Variants in COL25A1 observed in about 807,000 individuals in gnomAD.
COL25A1 encodes collagen type XXV alpha 1 chain.
In COL25A1, 103 loss-of-function variants were observed where a neutral mutation model predicts 128.4. That is an observed-to-expected ratio of 0.80 (90% CI 0.68 to 0.94). The LOEUF (loss-of-function observed/expected upper bound fraction) is 0.94. COL25A1 is among the 40% of genes least tolerant of loss of function. The pLI, the probability that COL25A1 is intolerant of heterozygous loss-of-function variation, is 0.00. For synonymous variants in COL25A1, 279 were observed against 277.2 expected, an observed-to-expected ratio of 1.01 and a Z score of -0.06; for missense variants, 745 against 840.0, an observed-to-expected ratio of 0.89 and a Z score of 1.40.
At chr4:108,948,496 T>C (rs1749034058) in intron 8 of COL25A1, among the ~76,000 whole-genome samples, 1 of 152,182 alleles carries the variant, frequency 6.6e-6, no homozygotes, top group South Asian at 2.1e-4. Flanking sequence ...TAAATTCCAT[T>C]CTACTACGTT....
intron 5 of COL25A1, among the ~76,000 whole-genome samples, chr4:109,038,858 C>T (rs1157819795): frequency 6.6e-6 from 1 of 152,156 alleles, no homozygotes; most frequent in Non-Finnish European, 1.5e-5. Context: ...GGTGACTGCT[C>T]ATGTCTACTC....
At chr4:109,068,356 T>A (rs1031845499) in intron 3 of COL25A1, among the ~76,000 whole-genome samples, 1 of 151,820 alleles carries the variant, frequency 6.6e-6, no homozygotes, top group African/African-American at 2.4e-5. Flanking sequence ...TGCAACAGAT[T>A]TACCATTTTT....
At chr4:109,169,623 G>A (rs943822905) in intron 3 of COL25A1, among the ~76,000 whole-genome samples, 1 of 152,092 alleles carries the variant, frequency 6.6e-6, no homozygotes, top group Admixed American at 6.6e-5. Context: ...CTCTACTGCA[G>A]CCCTAGAAAT....
intron 26 of COL25A1, among the ~76,000 whole-genome samples, chr4:108,850,875 C>CT (rs1279980866): frequency 6.6e-6 from 1 of 152,056 alleles, no homozygotes; most frequent in Non-Finnish European, 1.5e-5. Flanking sequence ...CTAGGAGGTC[C>CT]TTTTTGCCTC....
chr4:108,839,168 G>A (rs144530181), intron 31 of COL25A1, among the ~76,000 whole-genome samples: 92 of 152,152 alleles, frequency 6.0e-4, no homozygotes, highest in East Asian at 1.4e-3. Flanking sequence ...TCAGTGTAGC[G>A]CTTGTTAAAC....
At chr4:108,951,895 C>T (rs1749484979) in intron 8 of COL25A1, among the ~76,000 whole-genome samples, 1 of 152,102 alleles carries the variant, frequency 6.6e-6, no homozygotes, top group African/African-American at 2.4e-5. Context: ...ATAGCATGAA[C>T]TAAATTAACT....
At chr4:108,862,428 C>T in intron 22 of COL25A1, 73 bp downstream of exon 22, 1 of 1,141,060 alleles carries the variant, frequency 8.8e-7, no homozygotes, top group Non-Finnish European at 1.3e-6. Flanking sequence ...AAAAACATGC[C>T]TCTGTGGCAA....
chr4:108,865,707 A>G (rs879659830), intron 20 of COL25A1, among the ~76,000 whole-genome samples: 4 of 152,206 alleles, frequency 2.6e-5, no homozygotes, highest in African/African-American at 7.2e-5. Flanking sequence ...CCTTAAAAAT[A>G]ATTTATCTGT....
intron 5 of COL25A1, among the ~76,000 whole-genome samples, chr4:109,016,863 A>G (rs574090929): frequency 4.1e-4 from 63 of 152,356 alleles, no homozygotes; most frequent in Middle Eastern, 3.4e-3. Flanking sequence ...CCAGTTGTCC[A>G]TGTACCTCAT....
intron 26 of COL25A1, among the ~76,000 whole-genome samples, chr4:108,850,930 G>A (rs1033985887): frequency 2.0e-5 from 3 of 152,030 alleles, no homozygotes; most frequent in Non-Finnish European, 4.4e-5. Context: ...CTAGGCCTTT[G>A]GACTGTAGAG....
At chr4:109,190,059 T>C (rs1317146748) in intron 3 of COL25A1, among the ~76,000 whole-genome samples, 1 of 152,078 alleles carries the variant, frequency 6.6e-6, no homozygotes, top group Admixed American at 6.6e-5. Flanking sequence ...TAAGAAAATA[T>C]AATCAGTGAT....
intron 3 of COL25A1, among the ~76,000 whole-genome samples, chr4:109,232,408 T>C (rs1779219618): frequency 6.6e-6 from 1 of 152,210 alleles, no homozygotes; most frequent in Non-Finnish European, 1.5e-5. Context: ...GTAACACTCC[T>C]ATAAATTGTG....
At chr4:109,060,697 A>C (rs1761888535) in intron 3 of COL25A1, among the ~76,000 whole-genome samples, 1 of 151,910 alleles carries the variant, frequency 6.6e-6, no homozygotes, top group African/African-American at 2.4e-5. Flanking sequence ...CAAAAAAAAA[A>C]AAACAAAAAA....
chr4:109,035,926 A>T (rs1759307425), intron 5 of COL25A1, among the ~76,000 whole-genome samples: 1 of 151,408 alleles, frequency 6.6e-6, no homozygotes, highest in African/African-American at 2.4e-5. Flanking sequence ...TTTTATTTTT[A>T]TTTATTTATT....
At chr4:109,199,104 T>C (rs975000732) in intron 3 of COL25A1, among the ~76,000 whole-genome samples, 12 of 152,350 alleles carry the variant, frequency 7.9e-5, no homozygotes, top group African/African-American at 2.9e-4. Flanking sequence ...ACTTGACATT[T>C]TTTTTATAAG....
rs148679755 is a variant in COL25A1 at position 109,265,373 on chromosome 4, C to G, written c.367+35210G>C. Among the ~76,000 whole-genome samples the G allele has an allele frequency of 2.6e-5, 4 of 152,298 alleles. No individual in the cohort carries two copies. In the East Asian group the frequency reaches 5.8e-4, roughly 22 times the overall value. ...GACAATTTAAACAGCATTACTTCCTCCAAACAAATCAACTATGCTTTCTCT... is the reference window on the plus strand; with the variant it reads ...GACAATTTAAACAGCATTACTTCCTGCAAACAAATCAACTATGCTTTCTCT... On this transcript the variant is annotated intron_variant, in intron 3 of 37. Transcript: ENST00000399132.
chr4:109,290,045 T>G (rs983824658), intron 3 of COL25A1, among the ~76,000 whole-genome samples: 3 of 152,212 alleles, frequency 2.0e-5, no homozygotes, highest in African/African-American at 7.2e-5. Context: ...GATACATATA[T>G]ACAGGGGATA....
At chr4:109,144,113 CT>C (rs750401391) in intron 3 of COL25A1, among the ~76,000 whole-genome samples, 1 of 152,108 alleles carries the variant, frequency 6.6e-6, no homozygotes, top group Non-Finnish European at 1.5e-5. Flanking sequence ...TGATGGTATT[CT>C]TTTCTGTTCC....
At chr4:109,101,512 G>A (rs879878244) in intron 3 of COL25A1, among the ~76,000 whole-genome samples, 9 of 152,120 alleles carry the variant, frequency 5.9e-5, no homozygotes, top group Non-Finnish European at 8.8e-5. Flanking sequence ...TTAAAATGGA[G>A]ATTTCAAAAT....
Sources: gnomAD v4.1 joint callset for allele counts (sites outside exome capture counted in the v4.1 genomes callset) on GRCh38, gnomAD v4.1.1 for gene constraint, MANE v1.5 for transcripts, NCBI Gene and HGNC (gene_info 2026-07-23, HGNC 2026-07-21) for gene names.